Variants in ANAPC1 observed in about 807,000 individuals in gnomAD.
ANAPC1 encodes anaphase promoting complex subunit 1.
ANAPC1 carries 36 observed loss-of-function variants against 208.0 expected under a neutral mutation model. That is an observed-to-expected ratio of 0.17 (90% CI 0.13 to 0.23). ANAPC1 has a LOEUF of 0.23. Ranked by LOEUF, ANAPC1 falls within the 10% of genes least tolerant of loss-of-function variation. The pLI is 1.00. For synonymous variants in ANAPC1, 378 were observed against 695.2 expected (o/e 0.54, Z 7.18); for missense variants, 942 against 2,011.6 (o/e 0.47, Z 10.17).
At chr2:111,866,723 C>CA (rs1224733777) in intron 7 of ANAPC1, among the ~76,000 whole-genome samples, 4,376 of 70,638 alleles carry the variant, frequency 0.062, 142 homozygotes, top group Middle Eastern at 0.15. Context: ...GACTCCGTCT[C>CA]AAAAAAAAAA....
At chr2:111,845,872 G>A (rs1002721399) in intron 16 of ANAPC1, among the ~76,000 whole-genome samples, 35 of 151,640 alleles carry the variant, frequency 2.3e-4, no homozygotes, top group Non-Finnish European at 4.0e-4. Context: ...CTACTCGGGA[G>A]GCTGAGGCAG....
chr2:111,777,961 T>C (rs1390361681), intron 45 of ANAPC1, among the ~76,000 whole-genome samples: 3 of 152,292 alleles, frequency 2.0e-5, no homozygotes, highest in East Asian at 1.9e-4. Flanking sequence ...TCTGATTCAA[T>C]AGATGAGGCA....
chr2:111,846,429 A>G (rs896571997), intron 16 of ANAPC1, among the ~76,000 whole-genome samples: 2 of 110,896 alleles, frequency 1.8e-5, no homozygotes, highest in African/African-American at 5.7e-5. Context: ...TCATTAATAC[A>G]TTACAGAAAA....
In ANAPC1 at chr2:111,847,885, C is replaced by T. The variant is rs751031939; in HGVS notation, c.1651-20G>A. ...AACAACCTGTAAAAAGTTGTAAATA[C>T]GATACAAATGAATTGTTTTCTGAGA... On this transcript the variant is annotated intron_variant, in intron 14 of 47. Transcript: ENST00000341068. 5.6e-5 allele frequency: 86 copies of T among 1,545,202 alleles called. No individual in the cohort carries two copies. In the East Asian group the frequency reaches 8.3e-4, roughly 15 times the overall value.
intron 21 of ANAPC1, 78 bp downstream of exon 21, chr2:111,831,208 A>C (rs1680109343): frequency 6.7e-7 from 1 of 1,496,282 alleles, no homozygotes; most frequent in South Asian, 1.4e-5. Flanking sequence ...CACAGAAAAA[A>C]ACTTAATATC....
At position 111,864,029 on chromosome 2, in the gene ANAPC1, T is replaced by C. The variant is rs1682248351; in HGVS notation, c.832-134A>G. Reference sequence around the variant, plus strand: ...ATTTCTTCTTTCCTAAGAAGCTCAATCTATTTCTCAAATGAGGCCAGGTGC... The same window carrying C: ...ATTTCTTCTTTCCTAAGAAGCTCAACCTATTTCTCAAATGAGGCCAGGTGC... On this transcript the variant is annotated intron_variant, in intron 8 of 47. Transcript: ENST00000341068. 5.1e-6 allele frequency: 6 copies of C among 1,171,992 alleles called. No homozygotes were observed. In the South Asian group the frequency reaches 1.0e-4, roughly 20 times the overall value. 72.6% of individuals were successfully genotyped at this position (1,171,992 alleles called of 1,614,324 possible).
intron 13 of ANAPC1, among the ~76,000 whole-genome samples, chr2:111,854,637 T>G (rs1395443773): frequency 6.6e-6 from 1 of 152,190 alleles, no homozygotes; most frequent in East Asian, 1.9e-4. Flanking sequence ...TGCTTCACCT[T>G]GCACTTCTGT....
intron 45 of ANAPC1, among the ~76,000 whole-genome samples, chr2:111,777,349 T>C (rs1348467404): frequency 2.0e-5 from 3 of 152,204 alleles, no homozygotes; most frequent in East Asian, 3.9e-4. Flanking sequence ...CAAAAGGTCA[T>C]AGCCAGTCAC....
chr2:111,863,255 T>A (rs538448954), intron 9 of ANAPC1, among the ~76,000 whole-genome samples: 8 of 151,316 alleles, frequency 5.3e-5, no homozygotes, highest in African/African-American at 1.9e-4. Flanking sequence ...ACGCCTGTAA[T>A]CCCCGCACTT....
chr2:111,845,384 T>C (rs939749061), intron 16 of ANAPC1, among the ~76,000 whole-genome samples: 1 of 152,212 alleles, frequency 6.6e-6, no homozygotes, highest in Admixed American at 6.5e-5. Flanking sequence ...TCCCATCAGT[T>C]TGCAATGTGC....
At chr2:111,791,645 T>G (rs1182936079) in intron 38 of ANAPC1, among the ~76,000 whole-genome samples, 7 of 151,718 alleles carry the variant, frequency 4.6e-5, no homozygotes, top group Admixed American at 1.3e-4. Flanking sequence ...AAAAGTAAAG[T>G]GCAAAAGGAT....
chr2:111,879,900 C>A (rs1413089857), intron 2 of ANAPC1, among the ~76,000 whole-genome samples: 1 of 152,004 alleles, frequency 6.6e-6, no homozygotes, highest in African/African-American at 2.4e-5. Context: ...ATTACTCTAC[C>A]TACTTTTGTG....
chr2:111,835,540 C>T (rs1285852501), intron 18 of ANAPC1, among the ~76,000 whole-genome samples: 1 of 152,000 alleles, frequency 6.6e-6, no homozygotes, highest in Admixed American at 6.6e-5. Flanking sequence ...AAGAACTAAC[C>T]ATAAAAGAAA....
At position 111,850,862 on chromosome 2, in the gene ANAPC1, A is replaced by T; in HGVS notation, c.1564T>A (p.Ser522Thr). The T allele has an allele frequency of 5.0e-6, 8 of 1,611,480 alleles. No homozygotes were observed. The highest frequency in any genetic ancestry group is 6.8e-6 in the Non-Finnish European group (8 of 1,179,742). ...PGLPAPSLTM[S>T]NTMPRPSTPL... ...GTACTGGGCCGAGGCATTGTGTTGG[A>T]CATCGTCAGAGAGGGAGCTGGCAGT... is the stretch of plus-strand genomic sequence containing the variant. The change falls in exon 14 of 48, where the codon TCC (serine) becomes ACC (threonine). Residue 522 changes from serine to threonine, a missense_variant. By Grantham distance (58) the Ser-to-Thr change is moderately conservative. Coordinates refer to ENST00000341068, the MANE Select transcript of ANAPC1 (RefSeq NM_022662.4).
chr2:111,816,383 A>G (rs1216364590), intron 27 of ANAPC1, among the ~76,000 whole-genome samples: 1 of 151,854 alleles, frequency 6.6e-6, no homozygotes, highest in Admixed American at 6.6e-5. Context: ...ACAGATATAG[A>G]TATCTAATTA....
chr2:111,828,027 A>G (rs1679931150), intron 21 of ANAPC1, among the ~76,000 whole-genome samples: 1 of 152,130 alleles, frequency 6.6e-6, no homozygotes, highest in Non-Finnish European at 1.5e-5. Context: ...ATGGGAGAAA[A>G]TATTTGCAAA....
chr2:111,883,139 C>T (rs1416507486), intron 1 of ANAPC1, among the ~76,000 whole-genome samples: 6 of 139,100 alleles, frequency 4.3e-5, no homozygotes, highest in Admixed American at 7.7e-5. Flanking sequence ...GCACTCCAGC[C>T]TAGGAGACAG....
intron 38 of ANAPC1, among the ~76,000 whole-genome samples, chr2:111,789,725 A>G (rs1415898499): frequency 1.3e-5 from 2 of 152,166 alleles, no homozygotes; most frequent in African/African-American, 4.8e-5. Context: ...CTAAGTTTAA[A>G]TGTTGTTACA....
intron 19 of ANAPC1, 144 bp from the exon 20 acceptor site, chr2:111,833,455 T>C (rs1680290297): frequency 2.6e-5 from 34 of 1,328,258 alleles, no homozygotes; most frequent in South Asian, 7.2e-5. Flanking sequence ...TATTGTATTT[T>C]TGGACTTTAA....
Sources: gnomAD v4.1 joint callset for allele counts (sites outside exome capture counted in the v4.1 genomes callset) on GRCh38, gnomAD v4.1.1 for gene constraint, MANE v1.5 for transcripts, NCBI Gene and HGNC (gene_info 2026-07-23, HGNC 2026-07-21) for gene names.